NCOA7: variants seen among roughly 807,000 people sequenced by gnomAD.
NCOA7 encodes 140 kDa estrogen receptor-associated protein.
In NCOA7, 45 loss-of-function variants were observed where a neutral mutation model predicts 104.3. The observed-to-expected ratio is 0.43, with a 90% CI of 0.34 to 0.55. The LOEUF (loss-of-function observed/expected upper bound fraction) is 0.55, where lower values mean the gene tolerates loss of function less well. NCOA7 is among the 20% of genes least tolerant of loss of function. NCOA7 has a pLI of 0.02. For missense variants in NCOA7, 1,041 were observed against 1,119.7 expected, an observed-to-expected ratio of 0.93 and a Z score of 1.00; for synonymous variants, 398 against 402.3, an observed-to-expected ratio of 0.99 and a Z score of 0.13.
intron 1 of NCOA7, among the ~76,000 whole-genome samples, chr6:125,808,105 C>T (rs1436655696): frequency 6.6e-6 from 1 of 152,168 alleles, no homozygotes; most frequent in East Asian, 1.9e-4. Flanking sequence ...CCTGAATGTC[C>T]TCTCGTCTAC....
At chr6:125,828,031 T>C (rs1182446939) in intron 2 of NCOA7, among the ~76,000 whole-genome samples, 1 of 152,226 alleles carries the variant, frequency 6.6e-6, no homozygotes, top group Non-Finnish European at 1.5e-5. Flanking sequence ...CAATTGGGTA[T>C]GTGTAAATCT....
intron 4 of NCOA7, among the ~76,000 whole-genome samples, chr6:125,877,650 G>A (rs1259442594): frequency 6.6e-6 from 1 of 152,206 alleles, no homozygotes; most frequent in East Asian, 1.9e-4. Context: ...TACAGATTTA[G>A]AGAATAACAC....
chr6:125,919,520 TAGAA>T (rs1787385933), intron 11 of NCOA7: 2 of 1,288,174 alleles, frequency 1.6e-6, no homozygotes. Flanking sequence ...TCGTTCTAAT[TAGAA>T]AGGATTGTGC....
upstream of NCOA7, chr6:125,790,667 C>G (rs1774742133): frequency 6.6e-6 from 1 of 152,076 alleles, no homozygotes; most frequent in Non-Finnish European, 1.5e-5. Context: ...GCAGCGCGCG[C>G]CACTGGCCGG....
intron 7 of NCOA7, 145 bp from the exon 8 acceptor site, chr6:125,885,014 C>T: frequency 1.2e-6 from 1 of 803,320 alleles, no homozygotes; most frequent in Admixed American, 2.3e-5. Context: ...TTTTTCTGGT[C>T]CTCACAAAGG....
upstream of NCOA7, among the ~76,000 whole-genome samples, chr6:125,790,145 G>A (rs1346980540): frequency 6.6e-6 from 1 of 152,030 alleles, no homozygotes; most frequent in Non-Finnish European, 1.5e-5. Flanking sequence ...ATGGTGTACC[G>A]GGAACGGGAG....
Position 125,889,732 on chromosome 6 carries a change from C to T in NCOA7, c.1678C>T (p.Leu560Phe), listed in dbSNP as rs1348274078. 8.1e-6 allele frequency: 13 copies of T among 1,613,030 alleles called. No individual in the cohort carries two copies. Among genetic ancestry groups the T allele is most frequent in the Admixed American group, 3.3e-5 (2 of 59,834 alleles). Residue 560 changes from leucine to phenylalanine, a missense_variant, in exon 9 of 16, where the codon CTT becomes TTT. By Grantham distance (22) the Leu-to-Phe change is conservative. Around this residue, in one of 2 missense-constraint regions of NCOA7, gnomAD observed 914 missense variants for 942.7 expected, o/e 0.97. Transcript: ENST00000392477. ...SIEPGGIDIT[L>F]SSSLSQAGDP... ...TGAACCAGGGGGAATAGACATTACC[C>T]TTAGTAGTTCTCTTTCCCAGGCGGG...
intron 11 of NCOA7, among the ~76,000 whole-genome samples, chr6:125,916,202 T>G (rs1787062593): frequency 6.6e-6 from 1 of 152,210 alleles, no homozygotes; most frequent in South Asian, 2.1e-4. Context: ...TCCGCTACGC[T>G]CGCTCGCTCT....
chr6:125,859,520 C>T (rs184024559), intron 3 of NCOA7, among the ~76,000 whole-genome samples: 48 of 152,138 alleles, frequency 3.2e-4, no homozygotes, highest in Middle Eastern at 3.4e-3. Context: ...GGATATGTAA[C>T]AATATGTTGA....
At position 125,824,984 on chromosome 6, in the gene NCOA7, C is replaced by T. The variant is rs373815093; in HGVS notation, c.50+9580C>T. The stretch of plus-strand genomic sequence containing the variant: ...CCAGGAGGCGGACATTGCAGGGAGT[C>T]GAGATCAAGCCATTGTACTCCAGTC... On this transcript the variant is annotated intron_variant, in intron 2 of 15. Coordinates refer to ENST00000392477, the MANE Select transcript of NCOA7 (RefSeq NM_181782.5). 1.4e-4 allele frequency among the ~76,000 whole-genome samples: 22 copies of T among 152,018 alleles called. No homozygotes were observed. The East Asian group carries it at 3.1e-3, about 21-fold the overall frequency.
rs568468879 is a variant in NCOA7 at position 125,853,044 on chromosome 6, T to C, written c.51-1976T>C. On this transcript the variant is annotated intron_variant, in intron 2 of 15. Coordinates refer to ENST00000392477, the MANE Select transcript of NCOA7 (RefSeq NM_181782.5). Reference sequence around the variant, plus strand: ...GTATGGTCATTTTCACAATATTGATTCTTCCAGTCCATGAGCATGGGGTGT... The same window carrying C: ...GTATGGTCATTTTCACAATATTGATCCTTCCAGTCCATGAGCATGGGGTGT... Among the ~76,000 whole-genome samples the C allele has an allele frequency of 2.0e-5, 3 of 152,382 alleles. No individual in the cohort carries two copies. In the South Asian group the frequency reaches 6.2e-4, roughly 32 times the overall value.
At chr6:125,880,669 C>T (rs947777478) in intron 5 of NCOA7, among the ~76,000 whole-genome samples, 3 of 152,008 alleles carry the variant, frequency 2.0e-5, no homozygotes, top group African/African-American at 7.2e-5. Flanking sequence ...TCTGGGACTA[C>T]AGGTGCGAGC....
At chr6:125,846,365 T>G (rs199707838) in intron 2 of NCOA7, among the ~76,000 whole-genome samples, 13 of 33,016 alleles carry the variant, frequency 3.9e-4, no homozygotes, top group African/African-American at 5.7e-4. Flanking sequence ...AAAAAAATTT[T>G]TTTTTTTTTT....
At chr6:125,870,086 G>A (rs748530075) in intron 3 of NCOA7, among the ~76,000 whole-genome samples, 12 of 152,086 alleles carry the variant, frequency 7.9e-5, no homozygotes, top group Non-Finnish European at 1.5e-4. Flanking sequence ...ACAGGTAGCC[G>A]CTTATTTGCT....
chr6:125,894,635 G>T (rs1261945839), intron 10 of NCOA7, among the ~76,000 whole-genome samples: 1 of 152,168 alleles, frequency 6.6e-6, no homozygotes, highest in Admixed American at 6.5e-5. Flanking sequence ...CAAGGAGAAG[G>T]CAGAAAAGCT....
intron 4 of NCOA7, among the ~76,000 whole-genome samples, chr6:125,876,030 A>G (rs1024099662): frequency 9.9e-5 from 15 of 152,238 alleles, no homozygotes; most frequent in African/African-American, 3.6e-4. Context: ...TTCACTATTA[A>G]GTAGCACTCT....
chr6:125,898,011 CA>C (rs1785189325), intron 10 of NCOA7, among the ~76,000 whole-genome samples: 1 of 152,228 alleles, frequency 6.6e-6, no homozygotes, highest in South Asian at 2.1e-4. Context: ...AGCATCCATA[CA>C]TACTAAGACC....
chr6:125,823,075 G>A (rs1778341043), intron 2 of NCOA7, among the ~76,000 whole-genome samples: 1 of 151,936 alleles, frequency 6.6e-6, no homozygotes, highest in African/African-American at 2.4e-5. Context: ...ATTTCAAAGC[G>A]CCATCCACCT....
intron 3 of NCOA7, 68 bp from the exon 4 acceptor site, chr6:125,874,821 T>C (rs891562710): frequency 3.3e-6 from 4 of 1,200,964 alleles, no homozygotes; most frequent in Non-Finnish European, 3.7e-6. Context: ...TTTCTATATA[T>C]GGTAGTTTTA....
Sources: gnomAD v4.1 joint callset for allele counts (sites outside exome capture counted in the v4.1 genomes callset) on GRCh38, gnomAD v4.1.1 for gene constraint, gnomAD v4.1.1 regional missense constraint, MANE v1.5 for transcripts, NCBI Gene and HGNC (gene_info 2026-07-23, HGNC 2026-07-21) for gene names.